ITGA11: variants seen among roughly 807,000 people sequenced by gnomAD.
ITGA11 encodes the protein integrin alpha-11.
Under a neutral mutation model 141.9 loss-of-function variants are expected in ITGA11, and 97 were observed. That is an observed-to-expected ratio of 0.68 (90% CI 0.58 to 0.81). The LOEUF is 0.81. Ranked by LOEUF, ITGA11 falls within the 30% of genes least tolerant of loss-of-function variation. The pLI is 0.00. For missense variants in ITGA11, 1,387 were observed against 1,559.2 expected, an observed-to-expected ratio of 0.89 and a Z score of 1.86; for synonymous variants, 658 against 624.6, an observed-to-expected ratio of 1.05 and a Z score of -0.80.
chr15:68,377,552 G>A (rs1445073203), intron 2 of ITGA11, among the ~76,000 whole-genome samples: 4 of 152,176 alleles, frequency 2.6e-5, no homozygotes, highest in Admixed American at 1.3e-4. Flanking sequence ...GATTACAGGC[G>A]TGAGCCACTG....
At chr15:68,387,744 A>G (rs558506333) in intron 2 of ITGA11, among the ~76,000 whole-genome samples, 70 of 151,938 alleles carry the variant, frequency 4.6e-4, no homozygotes, top group African/African-American at 1.6e-3. Flanking sequence ...TAGGAGAGGC[A>G]CTCCTGGCTG....
At chr15:68,331,714 G>T in intron 14 of ITGA11, 145 bp downstream of exon 14, 1 of 718,732 alleles carries the variant, frequency 1.4e-6, no homozygotes, top group Non-Finnish European at 2.3e-6. Flanking sequence ...TCCACTTGGG[G>T]AAGCATGGCC....
chr15:68,415,212 C>T (rs1047052109), intron 1 of ITGA11, among the ~76,000 whole-genome samples: 18 of 152,204 alleles, frequency 1.2e-4, no homozygotes, highest in African/African-American at 4.3e-4. Context: ...AATATCACCG[C>T]CAGCCACTGG....
intron 4 of ITGA11, 85 bp downstream of exon 4, chr15:68,364,622 A>G (rs2306012): frequency 0.96 from 880,948 of 916,394 alleles, 424,437 homozygotes; most frequent in Middle Eastern, 0.98. Flanking sequence ...CAGGATGGAC[A>G]TGAGGGTGTG....
intron 15 of ITGA11, among the ~76,000 whole-genome samples, chr15:68,329,586 C>T (rs1210271110): frequency 1.3e-5 from 2 of 152,200 alleles, no homozygotes; most frequent in Admixed American, 6.5e-5. Context: ...GGTGTGTGTG[C>T]ACATGTGTAT....
chr15:68,424,228 G>A (rs11637293), intron 1 of ITGA11, among the ~76,000 whole-genome samples: 25,622 of 152,154 alleles, frequency 0.17, 2,730 homozygotes, highest in Non-Finnish European at 0.25. Context: ...AAACTCTCAA[G>A]CTGTGTCTCC....
chr15:68,335,949 G>A lies in ITGA11; in HGVS notation c.1277-104C>T. On this transcript the variant is annotated intron_variant, in intron 11 of 29. Coordinates refer to ENST00000315757, the MANE Select transcript of ITGA11 (RefSeq NM_001004439.2). This position sits in a 1 kb window ranked among gnomAD's most constrained non-coding sequence, Gnocchi z 4.9. ...GTGCCAGAGGATGGGCCAGTGATGGGGTAGGTTCAGGGCTAGCTGAGCAGA... is the reference window on the plus strand; with the variant it reads ...GTGCCAGAGGATGGGCCAGTGATGGAGTAGGTTCAGGGCTAGCTGAGCAGA... 1.5e-6 allele frequency: 2 copies of A among 1,321,258 alleles called. No individual in the cohort carries two copies. The highest frequency in any genetic ancestry group is 2.1e-6 in the Non-Finnish European group (2 of 955,870). 81.8% of individuals were successfully genotyped at this position (1,321,258 alleles called of 1,614,324 possible). A position where few individuals can be genotyped will look rare whatever the true frequency, so the allele number is the denominator to read the frequency against.
rs1418252426 is a variant in ITGA11 at position 68,358,465 on chromosome 15, T to G, written c.593A>C (p.Gln198Pro). 6.2e-7 allele frequency: 1 copy of G among 1,609,656 alleles called. No homozygotes were observed. Among genetic ancestry groups the G allele is most frequent in the South Asian group, 1.1e-5 (1 of 89,800 alleles). ...ILKKFYIGPG[Q>P]IQVGVVQYGE... Reference sequence around the variant, plus strand: ...AGCCCAAGAGATGCTCACCTGGATCTGCCCTGGGCCAATGTAAAACTTTTT... The same window carrying G: ...AGCCCAAGAGATGCTCACCTGGATCGGCCCTGGGCCAATGTAAAACTTTTT... The change falls in exon 6 of 30, where the codon CAG becomes CCG. Residue 198 changes from glutamine (Q) to proline (P), a missense_variant. Coordinates refer to ENST00000315757, the MANE Select transcript of ITGA11 (RefSeq NM_001004439.2).
intron 1 of ITGA11, among the ~76,000 whole-genome samples, chr15:68,426,400 A>G (rs1245746212): frequency 2.6e-5 from 4 of 152,172 alleles, no homozygotes; most frequent in African/African-American, 9.7e-5. Context: ...CTGGGAAGTC[A>G]GTGTTCCAGA....
At chr15:68,349,936 A>G (rs1894851691) in intron 9 of ITGA11, among the ~76,000 whole-genome samples, 3 of 152,192 alleles carry the variant, frequency 2.0e-5, no homozygotes, top group Admixed American at 2.0e-4. Flanking sequence ...ACTGAATTTC[A>G]GAGAACAAAT....
chr15:68,327,852 CCTT>C (rs1281488744), intron 16 of ITGA11, among the ~76,000 whole-genome samples: 2 of 152,226 alleles, frequency 1.3e-5, no homozygotes, highest in Admixed American at 1.3e-4. Context: ...CAGACTGTTT[CCTT>C]CTTCTCCTGT....
intron 4 of ITGA11, among the ~76,000 whole-genome samples, chr15:68,363,181 A>T (rs904566508): frequency 1.3e-5 from 2 of 152,116 alleles, no homozygotes; most frequent in Non-Finnish European, 2.9e-5. Flanking sequence ...TGAATGGAGG[A>T]ATGAATTGTT....
At chr15:68,358,384 T>C in intron 6 of ITGA11, 74 bp downstream of exon 6, 1 of 1,488,524 alleles carries the variant, frequency 6.7e-7, no homozygotes. Context: ...AGATCTCTCT[T>C]AGACCTAAGG....
rs774844087 is a variant in ITGA11 at position 68,364,741 on chromosome 15, C to T, written c.323G>A (p.Ser108Asn). ...GTTGTCCTTGGGGTTGGTGGCGAGA[C>T]TAAGGCCGAGGCGCATGTTGTCTTT... ...ERKDNMRLGL[S>N]LATNPKDNSF... Residue 108 changes from serine to asparagine, a missense_variant, in exon 4 of 30, where the codon AGT becomes AAT. Ser to Asn is a conservative substitution (Grantham distance 46). Transcript: ENST00000315757. The T allele has an allele frequency of 8.7e-6, 14 of 1,612,984 alleles. No homozygotes were observed. The East Asian group carries it at 2.9e-4, about 33-fold the overall frequency.
Position 68,298,415 on chromosome 15 carries a change from TA to T in ITGA11, c.*4643del, listed in dbSNP as rs1892953134. 6.6e-6 allele frequency: 1 copy of T among 151,774 alleles called. No homozygotes were observed. The highest frequency in any genetic ancestry group is 6.6e-5 in the Admixed American group (1 of 15,242). 9.4% of individuals were successfully genotyped at this position (151,774 alleles called of 1,614,324 possible). On this transcript the variant is annotated 3_prime_UTR_variant, in exon 30 of 30. Transcript: ENST00000315757. Reference sequence around the variant, plus strand: ...TGCACCACAGATATGCATACAAAAATAAGAGAGACCAGTGTGGGCAACAAAG... The same window carrying T: ...TGCACCACAGATATGCATACAAAAATAGAGAGACCAGTGTGGGCAACAAAG...
At chr15:68,338,496 G>C (rs1894445550) in intron 11 of ITGA11, among the ~76,000 whole-genome samples, 1 of 150,084 alleles carries the variant, frequency 6.7e-6, no homozygotes, top group East Asian at 1.9e-4. Flanking sequence ...CAGGCCCTAG[G>C]GCCAGGTGCT....
At chr15:68,384,306 G>C (rs543999442) in intron 2 of ITGA11, among the ~76,000 whole-genome samples, 1 of 151,020 alleles carries the variant, frequency 6.6e-6, no homozygotes, top group East Asian at 1.9e-4. Context: ...AGCAAGGAGA[G>C]AAGAGGAAAA....
At chr15:68,403,173 G>T in intron 1 of ITGA11, 144 bp from the exon 2 acceptor site, 1 of 634,298 alleles carries the variant, frequency 1.6e-6, no homozygotes. Context: ...ATCTTGGGGA[G>T]TCCCTGTATG....
In ITGA11 at chr15:68,326,057, A is replaced by G. The variant is rs1276689585; in HGVS notation, c.2211+597T>C. Among the ~76,000 whole-genome samples, 5 of 152,172 alleles carry G rather than the reference A, an allele frequency of 3.3e-5. No homozygotes were observed. The highest frequency in any genetic ancestry group is 7.4e-5 in the Non-Finnish European group (5 of 68,022). On this transcript the variant is annotated intron_variant, in intron 17 of 29. Transcript: ENST00000315757. This position sits in a 1 kb window ranked among gnomAD's most constrained non-coding sequence, Gnocchi z 6.8. ...CCTTAACAGGGATGCACCTTCTCAG[A>G]CCTGCTCACATCTCTGAACTCTGGC...
Sources: gnomAD v4.1 joint callset for allele counts (sites outside exome capture counted in the v4.1 genomes callset) on GRCh38, gnomAD v4.1.1 for gene constraint, Gnocchi (gnomAD v3.1) non-coding constraint, MANE v1.5 for transcripts, NCBI Gene and HGNC (gene_info 2026-07-23, HGNC 2026-07-21) for gene names.